Variants in BNC2 observed in about 807,000 individuals in gnomAD.
The protein encoded by BNC2 is basonuclin zinc finger protein 2, also known as zinc finger protein basonuclin-2.
Under a neutral mutation model 76.3 loss-of-function variants are expected in BNC2, and 20 were observed. The observed-to-expected ratio is 0.26, with a 90% CI of 0.18 to 0.38. BNC2 has a LOEUF of 0.38. BNC2 is among the 10% of genes least tolerant of loss of function. The probability of loss-of-function intolerance (pLI) is 1.00; values close to 1 mark genes in which losing one functional copy is unlikely to be tolerated. For missense variants in BNC2, 1,382 were observed against 1,399.8 expected (o/e 0.99, Z 0.20); for synonymous variants, 582 against 514.8 (o/e 1.13, Z -1.77).
rs1370383510 is a variant in BNC2 at position 16,437,339 on chromosome 9, G to A, written c.855C>T (p.Phe285=). 1.2e-6 allele frequency: 2 copies of A among 1,614,176 alleles called. No individual in the cohort carries two copies. Among genetic ancestry groups the A allele is most frequent in the East Asian group, 4.5e-5 (2 of 44,886 alleles). Residue 285 remains phenylalanine (F), a synonymous_variant, in exon 6 of 7, where the codon TTC becomes TTT. Transcript: ENST00000380672. ...TCCTGGTGCGATTATTGCTCTCAAT[G>A]AAAGTCCTTATATCTGAGTCTGTCT... ...SSKTDSDIRT[F]IESNNRTRSP...
chr9:16,427,985 AT>A (rs772327868), intron 6 of BNC2, among the ~76,000 whole-genome samples: 1 of 152,108 alleles, frequency 6.6e-6, no homozygotes, highest in Non-Finnish European at 1.5e-5. Flanking sequence ...TTTAATGTGG[AT>A]TTTTTATGGT....
In BNC2 at chr9:16,617,341, T is replaced by A. The variant is rs537870646; in HGVS notation, c.331-34256A>T. On this transcript the variant is annotated intron_variant, in intron 3 of 6. Transcript: ENST00000380672. The stretch of plus-strand genomic sequence containing the variant: ...GAAAAAATACAATTGAAAACATCAT[T>A]CTATGACAAATTATACCTGATAAAG... Among the ~76,000 whole-genome samples the A allele has an allele frequency of 3.3e-5, 5 of 152,220 alleles. No individual in the cohort carries two copies. The East Asian group carries it at 9.7e-4, about 29-fold the overall frequency.
At chr9:16,808,755 G>C (rs1043682711) in intron 1 of BNC2, among the ~76,000 whole-genome samples, 1 of 151,608 alleles carries the variant, frequency 6.6e-6, no homozygotes, top group African/African-American at 2.4e-5. Flanking sequence ...AATAAGAGTA[G>C]CTACAATAAA....
chr9:16,830,174 GT>G (rs1356720835), intron 1 of BNC2, among the ~76,000 whole-genome samples: 52 of 152,168 alleles, frequency 3.4e-4, no homozygotes, highest in African/African-American at 1.2e-3. Flanking sequence ...ATATCTAACG[GT>G]TTTCCAACAT....
chr9:16,448,327 T>C (rs982022263), intron 5 of BNC2, among the ~76,000 whole-genome samples: 1 of 152,038 alleles, frequency 6.6e-6, no homozygotes, highest in Non-Finnish European at 1.5e-5. Context: ...ACAGCAAAAA[T>C]AGGCGCAAAA....
chr9:16,454,244 C>A (rs1364179386), intron 5 of BNC2, among the ~76,000 whole-genome samples: 1 of 152,174 alleles, frequency 6.6e-6, no homozygotes, highest in African/African-American at 2.4e-5. Flanking sequence ...AAATACACAT[C>A]TTTCTACCCC....
chr9:16,790,801 A>G (rs1443442698), intron 1 of BNC2, among the ~76,000 whole-genome samples: 1 of 145,216 alleles, frequency 6.9e-6, no homozygotes, highest in Non-Finnish European at 1.5e-5. Context: ...GGCTGAGTTG[A>G]CATTCCCTTG....
intron 3 of BNC2, among the ~76,000 whole-genome samples, chr9:16,601,735 C>G (rs1451451571): frequency 6.6e-6 from 1 of 152,094 alleles, no homozygotes; most frequent in Non-Finnish European, 1.5e-5. Context: ...ATTAATATGA[C>G]TAATCAATTC....
At chr9:16,780,167 C>G (rs1342166372) in intron 1 of BNC2, among the ~76,000 whole-genome samples, 1 of 127,856 alleles carries the variant, frequency 7.8e-6, no homozygotes, top group Non-Finnish European at 1.6e-5. Flanking sequence ...ACCTGGGAGG[C>G]GGAGCTTGCA....
intron 5 of BNC2, among the ~76,000 whole-genome samples, chr9:16,514,147 G>A (rs928677754): frequency 6.6e-6 from 1 of 152,146 alleles, no homozygotes; most frequent in African/African-American, 2.4e-5. Flanking sequence ...CTTCAGTGAA[G>A]CACCACCAGC....
intron 1 of BNC2, among the ~76,000 whole-genome samples, chr9:16,769,570 G>A (rs1221547937): frequency 6.6e-6 from 1 of 152,294 alleles, no homozygotes; most frequent in South Asian, 2.1e-4. Context: ...GCAGCTTAAA[G>A]GATGTGATGT....
intron 1 of BNC2, among the ~76,000 whole-genome samples, chr9:16,843,601 T>C (rs1454569281): frequency 2.6e-5 from 4 of 152,262 alleles, no homozygotes; most frequent in Non-Finnish European, 5.9e-5. Flanking sequence ...CCTGAAGTAC[T>C]GGGATTACAG....
chr9:16,468,686 C>T (rs114925166), intron 5 of BNC2, among the ~76,000 whole-genome samples: 2,073 of 152,098 alleles, frequency 0.014, 47 homozygotes, highest in African/African-American at 0.046. Context: ...CCACCACACC[C>T]GGACTATATG....
chr9:16,570,734 C>T (rs570757173), intron 4 of BNC2, among the ~76,000 whole-genome samples: 3 of 152,254 alleles, frequency 2.0e-5, no homozygotes, highest in Admixed American at 2.0e-4. Flanking sequence ...GTTACCATCC[C>T]ATTCTCTATT....
At chr9:16,706,057 G>T (rs965821951) in intron 3 of BNC2, among the ~76,000 whole-genome samples, 1 of 152,168 alleles carries the variant, frequency 6.6e-6, no homozygotes, top group Non-Finnish European at 1.5e-5. Context: ...TATACCAAAT[G>T]AAAAATTAAA....
chr9:16,819,540 G>A (rs1586909372), intron 1 of BNC2, among the ~76,000 whole-genome samples: 1 of 151,978 alleles, frequency 6.6e-6, no homozygotes, highest in East Asian at 1.9e-4. Context: ...GTGTGTGCCT[G>A]TAATTCCAGC....
chr9:16,558,870 G>A (rs1243862379), intron 4 of BNC2, among the ~76,000 whole-genome samples: 1 of 150,652 alleles, frequency 6.6e-6, no homozygotes. Context: ...GGAAGCAGAG[G>A]TTGCAGTGAG....
chr9:16,794,169 G>A (rs1817587154), intron 1 of BNC2, among the ~76,000 whole-genome samples: 1 of 152,012 alleles, frequency 6.6e-6, no homozygotes, highest in Non-Finnish European at 1.5e-5. Flanking sequence ...GGCCAAGAAG[G>A]TCCATCTCCT....
chr9:16,424,266 G>GAA (rs898526021), intron 6 of BNC2, among the ~76,000 whole-genome samples: 2 of 108,492 alleles, frequency 1.8e-5, no homozygotes, highest in Non-Finnish European at 4.0e-5. Flanking sequence ...ACACGAAAAA[G>GAA]AAAAAAAAAA....
Sources: allele counts gnomAD v4.1 joint callset (sites outside exome capture counted in the v4.1 genomes callset), GRCh38; gene constraint gnomAD v4.1.1; transcripts MANE v1.5; gene names NCBI Gene and HGNC (gene_info 2026-07-23, HGNC 2026-07-21).